LDLRAD4: variants seen among roughly 807,000 people sequenced by gnomAD.
LDLRAD4 encodes low-density lipoprotein receptor class A domain-containing protein 4.
Under a neutral mutation model 17.0 loss-of-function variants are expected in LDLRAD4, and 5 were observed. That is an observed-to-expected ratio of 0.29 (90% CI 0.15 to 0.62). The LOEUF (loss-of-function observed/expected upper bound fraction) is 0.62. Ranked by LOEUF, LDLRAD4 falls within the 20% of genes least tolerant of loss-of-function variation. LDLRAD4 has a pLI of 0.84. For synonymous variants in LDLRAD4, 168 were observed against 171.8 expected (o/e 0.98, Z 0.17); for missense variants, 340 against 424.7 (o/e 0.80, Z 1.75).
rs1568082824 is a variant in LDLRAD4 at position 13,386,935 on chromosome 18, GATAGATA to G, written c.-382-405_-382-399del. 3.6e-3 allele frequency among the ~76,000 whole-genome samples: 450 copies of G among 125,738 alleles called. 12 individuals are homozygous for G. The East Asian group carries it at 0.071, about 20-fold the overall frequency. The allele number at this position is 125,738 out of a possible 152,430, so 82.5% of individuals were successfully genotyped here. A position where few individuals can be genotyped will look rare whatever the true frequency, so the allele number is the denominator to read the frequency against. Reference sequence around the variant, plus strand: ...AGATAGATAGATAGATAGATAGATAGATAGATAGATAGATGGATGGATGGATAGATAA... The same window carrying G: ...AGATAGATAGATAGATAGATAGATAGGATAGATGGATGGATGGATAGATAA... On this transcript the variant is annotated intron_variant, in intron 1 of 5. Coordinates refer to ENST00000359446, the Ensembl canonical transcript of LDLRAD4.
chr18:13,486,260 C>G (rs1396494632), intron 3 of LDLRAD4, among the ~76,000 whole-genome samples: 1 of 152,204 alleles, frequency 6.6e-6, no homozygotes, highest in Non-Finnish European at 1.5e-5. Context: ...TTTCTTGTGT[C>G]AAGATTATTT....
intron 2 of LDLRAD4, among the ~76,000 whole-genome samples, chr18:13,423,130 C>T (rs543112142): frequency 5.9e-5 from 9 of 152,294 alleles, no homozygotes; most frequent in African/African-American, 1.7e-4. Context: ...GCCACCACTT[C>T]TAGAAAACTC....
chr18:13,346,561 G>A (rs934413962), intron 1 of LDLRAD4, among the ~76,000 whole-genome samples: 1 of 152,192 alleles, frequency 6.6e-6, no homozygotes, highest in Non-Finnish European at 1.5e-5. Flanking sequence ...CTGTTGATTT[G>A]GGGTGGAGAG....
intron 3 of LDLRAD4, chr18:13,521,714 A>G (rs971722595): frequency 6.6e-6 from 1 of 152,082 alleles, no homozygotes; most frequent in Non-Finnish European, 1.5e-5. Flanking sequence ...TCTCTCAGCC[A>G]TGTTGGTGAC....
At chr18:13,453,992 C>T (rs1045180771) in intron 3 of LDLRAD4, among the ~76,000 whole-genome samples, 1 of 152,270 alleles carries the variant, frequency 6.6e-6, no homozygotes, top group Non-Finnish European at 1.5e-5. Context: ...CCGGCGCTGC[C>T]GCCGACTGCG....
chr18:13,503,473 A>T (rs373003421), intron 3 of LDLRAD4, among the ~76,000 whole-genome samples: 1 of 8,248 alleles, frequency 1.2e-4, no homozygotes. Context: ...GGAGACTTTG[A>T]AAAAAATCTT....
intron 3 of LDLRAD4, among the ~76,000 whole-genome samples, chr18:13,576,195 G>A (rs1191778310): frequency 2.6e-5 from 4 of 152,140 alleles, no homozygotes; most frequent in Non-Finnish European, 4.4e-5. Context: ...AGGCCAAGAC[G>A]GGTGGATCAC....
intron 3 of LDLRAD4, among the ~76,000 whole-genome samples, chr18:13,581,862 C>T (rs1405975902): frequency 1.3e-5 from 2 of 152,036 alleles, no homozygotes; most frequent in Non-Finnish European, 2.9e-5. Context: ...CACTCATGTG[C>T]AGAGCTATGC....
upstream of LDLRAD4, among the ~76,000 whole-genome samples, chr18:13,276,604 G>A (rs1179070270): frequency 6.6e-6 from 1 of 152,218 alleles, no homozygotes; most frequent in African/African-American, 2.4e-5. Flanking sequence ...TCAGCTAGGG[G>A]CTGCTCTCAG....
intron 1 of LDLRAD4, among the ~76,000 whole-genome samples, chr18:13,254,862 C>T (rs960717257): frequency 5.3e-5 from 8 of 152,206 alleles, no homozygotes; most frequent in South Asian, 4.2e-4. Flanking sequence ...AACTTAGGAG[C>T]GTGAGGCATG....
intron 2 of LDLRAD4, among the ~76,000 whole-genome samples, chr18:13,432,857 T>C (rs573371724): frequency 6.6e-6 from 1 of 152,240 alleles, no homozygotes; most frequent in East Asian, 1.9e-4. Flanking sequence ...GCTGAGACTA[T>C]AGGCACATGC....
At chr18:13,637,240 G>T (rs1225429170) in intron 4 of LDLRAD4, among the ~76,000 whole-genome samples, 1 of 152,044 alleles carries the variant, frequency 6.6e-6, no homozygotes, top group African/African-American at 2.4e-5. Context: ...TGACTGCCTC[G>T]GTGGGAAGCT....
intron 1 of LDLRAD4, among the ~76,000 whole-genome samples, chr18:13,281,845 T>A (rs1031925870): frequency 6.6e-6 from 1 of 152,200 alleles, no homozygotes; most frequent in Non-Finnish European, 1.5e-5. Context: ...CATCTCACCA[T>A]TGTCCCCGAT....
At chr18:13,447,474 G>T (rs1309684251) in intron 3 of LDLRAD4, among the ~76,000 whole-genome samples, 1 of 152,088 alleles carries the variant, frequency 6.6e-6, no homozygotes, top group East Asian at 1.9e-4. Flanking sequence ...GAGAACAAAT[G>T]GGAGGGTAAG....
At chr18:13,368,848 T>C (rs759825853) in intron 1 of LDLRAD4, among the ~76,000 whole-genome samples, 7 of 152,228 alleles carry the variant, frequency 4.6e-5, no homozygotes, top group Non-Finnish European at 7.3e-5. Context: ...CCATCTTTGT[T>C]ACCTGGGGAC....
chr18:13,535,553 A>G (rs565649912), intron 3 of LDLRAD4, among the ~76,000 whole-genome samples: 1 of 152,280 alleles, frequency 6.6e-6, no homozygotes, highest in Admixed American at 6.5e-5. Context: ...TGTTTTGAAT[A>G]CAAACTTTTT....
In LDLRAD4 at chr18:13,299,176, C is replaced by T. The variant is rs923557556; in HGVS notation, c.-383+20988C>T. 3.9e-5 allele frequency among the ~76,000 whole-genome samples: 6 copies of T among 152,158 alleles called. No individual in the cohort carries two copies. In the South Asian group the frequency reaches 6.2e-4, roughly 16 times the overall value. On this transcript the variant is annotated intron_variant, in intron 1 of 5. Transcript: ENST00000359446. ...TGCTTACACTGTGCTGGATGGTGGA[C>T]GGGGTGACTGTAGCTCAATGCTGGC...
intron 2 of LDLRAD4, among the ~76,000 whole-genome samples, chr18:13,404,648 A>T (rs974284145): frequency 1.3e-5 from 2 of 152,170 alleles, no homozygotes; most frequent in African/African-American, 2.4e-5. Flanking sequence ...ATACAAAAAA[A>T]TTAGCCGGGT....
intron 3 of LDLRAD4, among the ~76,000 whole-genome samples, chr18:13,481,639 C>T (rs2093088444): frequency 1.3e-5 from 2 of 152,146 alleles, no homozygotes; most frequent in African/African-American, 2.4e-5. Context: ...AGTGTTCTCT[C>T]GCTGGACACC....
Sources: allele counts gnomAD v4.1 joint callset (sites outside exome capture counted in the v4.1 genomes callset), GRCh38; gene constraint gnomAD v4.1.1; transcripts MANE v1.5; gene names NCBI Gene and HGNC (gene_info 2026-07-23, HGNC 2026-07-21).